Variants in CDH4 observed in about 807,000 individuals in gnomAD.
CDH4 encodes cadherin 4.
CDH4 carries 33 observed loss-of-function variants against 86.0 expected under a neutral mutation model. The ratio of observed to expected loss-of-function variants is 0.38; its 90% CI spans 0.29 to 0.51. The LOEUF is 0.51. Among genes scored for constraint, CDH4 ranks in the 20% least tolerant of loss-of-function variants. CDH4 has a pLI of 0.86. For missense variants in CDH4, 1,114 were observed against 1,307.4 expected (o/e 0.85, Z 2.28); for synonymous variants, 555 against 549.4 (o/e 1.01, Z -0.14).
intron 2 of CDH4, among the ~76,000 whole-genome samples, chr20:61,457,651 C>T (rs996377358): frequency 1.3e-5 from 2 of 151,252 alleles, no homozygotes; most frequent in Non-Finnish European, 3.0e-5. Flanking sequence ...GTAAGATGGT[C>T]ATGGTCATGA....
At position 61,936,839 on chromosome 20, in the gene CDH4, C is replaced by G. The variant is rs1302242687; in HGVS notation, c.2647C>G (p.Leu883Val). 1 of 1,610,326 alleles carries G rather than the reference C, an allele frequency of 6.2e-7. No homozygotes were observed. The highest frequency in any genetic ancestry group is 1.1e-5 in the South Asian group (1 of 90,570). Residue 883 changes from leucine to valine, a missense_variant, in exon 16 of 16, where the codon CTG becomes GTG. Physicochemically the swap from Leu to Val is conservative, Grantham distance 32. This residue lies in a region of CDH4 where 188 missense variants were observed against 183.8 expected (regional missense o/e 1.02). Transcript: ENST00000614565. ...CTCCACCGCAGGCTCCGTCAGCTCC[C>G]TGAACTCATCCAGTTCCGGGGACCA... Reference protein sequence around the residue: ...SGSTAGSVSSLNSSSSGDQDY... With the variant: ...SGSTAGSVSSVNSSSSGDQDY...
intron 2 of CDH4, among the ~76,000 whole-genome samples, chr20:61,661,610 C>T (rs1336650926): frequency 6.6e-6 from 1 of 151,920 alleles, no homozygotes; most frequent in African/African-American, 2.4e-5. Flanking sequence ...TGCGTCTTCC[C>T]AATTAACCCA....
intron 3 of CDH4, among the ~76,000 whole-genome samples, chr20:61,753,196 G>T (rs898938618): frequency 6.6e-6 from 1 of 152,074 alleles, no homozygotes; most frequent in Admixed American, 6.6e-5. Context: ...ATTGAGAGGA[G>T]CCTGGAAGCA....
chr20:61,585,532 T>C (rs1329546670), intron 2 of CDH4, among the ~76,000 whole-genome samples: 1 of 152,276 alleles, frequency 6.6e-6, no homozygotes, highest in East Asian at 1.9e-4. Context: ...ATCTTTCTGA[T>C]TATTTGGTCA....
chr20:61,560,063 GAGA>G (rs2086205374), intron 2 of CDH4, among the ~76,000 whole-genome samples: 1 of 152,168 alleles, frequency 6.6e-6, no homozygotes, highest in African/African-American at 2.4e-5. Context: ...GTGCATAGAG[GAGA>G]TCGACCCTGC....
intron 2 of CDH4, among the ~76,000 whole-genome samples, chr20:61,701,994 C>T (rs770492366): frequency 1.1e-4 from 17 of 152,142 alleles, no homozygotes; most frequent in Non-Finnish European, 2.1e-4. Context: ...AGCTGGCAGC[C>T]GGGAGGAAGA....
intron 2 of CDH4, among the ~76,000 whole-genome samples, chr20:61,584,348 G>T (rs2086454149): frequency 6.6e-6 from 1 of 152,150 alleles, no homozygotes; most frequent in Non-Finnish European, 1.5e-5. Context: ...TATTGAGAAG[G>T]TCTCCCTCAG....
rs544405300 is a variant in CDH4 at position 61,710,088 on chromosome 20, T to A, written c.170-33475T>A. Among the ~76,000 whole-genome samples the A allele has an allele frequency of 2.6e-5, 4 of 152,110 alleles. No individual in the cohort carries two copies. The East Asian group carries it at 7.7e-4, about 29-fold the overall frequency. On this transcript the variant is annotated intron_variant, in intron 2 of 15. Transcript: ENST00000614565. The stretch of plus-strand genomic sequence containing the variant: ...GAATGCAGAATCCTCAATAAATGGA[T>A]CCAGAATGAACCGAGAACCTCAAAG...
At chr20:61,920,064 T>C (rs1391396922) in intron 9 of CDH4, among the ~76,000 whole-genome samples, 77 of 142,974 alleles carry the variant, frequency 5.4e-4, no homozygotes, top group East Asian at 1.1e-3. Context: ...CGTGATTGTG[T>C]GGAAGCGTGG....
At chr20:61,900,110 C>CG (rs150038969) in intron 8 of CDH4, among the ~76,000 whole-genome samples, 2,327 of 152,170 alleles carry the variant, frequency 0.015, 61 homozygotes, top group African/African-American at 0.054. Context: ...CCAGCCTCAG[C>CG]GGGGGGGACT....
chr20:61,312,243 G>T (rs2084450226), intron 2 of CDH4, among the ~76,000 whole-genome samples: 1 of 151,086 alleles, frequency 6.6e-6, no homozygotes, highest in South Asian at 2.1e-4. Context: ...GCATGTGTGT[G>T]GTGTGTGTGT....
At chr20:61,504,381 C>G (rs1377237992) in intron 2 of CDH4, among the ~76,000 whole-genome samples, 1 of 152,216 alleles carries the variant, frequency 6.6e-6, no homozygotes, top group African/African-American at 2.4e-5. Flanking sequence ...GACACATCTA[C>G]AGCTAAAATG....
rs555645616 is a variant in CDH4 at position 61,913,113 on chromosome 20, C to T, written c.1374+2506C>T. Among the ~76,000 whole-genome samples the T allele has an allele frequency of 3.1e-4, 47 of 152,242 alleles. 1 individual carries two copies. The South Asian group carries it at 8.7e-3, about 28-fold the overall frequency. Reference sequence around the variant, plus strand: ...CACAGCTCGGATTCTGTGGCCTTCACGGGGAGCACAACGGGCAGCCCCCGG... The same window carrying T: ...CACAGCTCGGATTCTGTGGCCTTCATGGGGAGCACAACGGGCAGCCCCCGG... On this transcript the variant is annotated intron_variant, in intron 9 of 15. Transcript: ENST00000614565.
chr20:61,315,097 C>G (rs550858841), intron 2 of CDH4, among the ~76,000 whole-genome samples: 1 of 152,292 alleles, frequency 6.6e-6, no homozygotes, highest in African/African-American at 2.4e-5. Flanking sequence ...GCTGGAAGCT[C>G]CATGCCAGAC....
intron 4 of CDH4, among the ~76,000 whole-genome samples, chr20:61,843,646 T>C (rs1982286467): frequency 6.6e-6 from 1 of 150,716 alleles, no homozygotes; most frequent in Non-Finnish European, 1.5e-5. Flanking sequence ...TGAGATATGA[T>C]TGCCCTACTG....
chr20:61,560,138 C>A lies in CDH4; in HGVS notation c.170-183425C>A, dbSNP rs557340699. On this transcript the variant is annotated intron_variant, in intron 2 of 15. Coordinates refer to ENST00000614565, the MANE Select transcript of CDH4 (RefSeq NM_001794.5). ...TCTGGTCGGCGGAGACAAAGGAAGA[C>A]CCCCTGTGGCAGACCCTGGGAACCA... Among the ~76,000 whole-genome samples, 13 of 152,136 alleles carry A rather than the reference C, an allele frequency of 8.5e-5. No individual in the cohort carries two copies. In the East Asian group the frequency reaches 1.6e-3, roughly 18 times the overall value.
chr20:61,692,125 CTGTGTGTGTCTGTATGTATGTG>C (rs2087662746), intron 2 of CDH4, among the ~76,000 whole-genome samples: 2 of 141,856 alleles, frequency 1.4e-5, no homozygotes, highest in African/African-American at 6.0e-5. Flanking sequence ...ATGTGTGTGT[CTGTGTGTGTCTGTATGTATGTG>C]TGTATGTATG....
At chr20:61,502,238 C>A (rs2085708026) in intron 2 of CDH4, among the ~76,000 whole-genome samples, 1 of 152,198 alleles carries the variant, frequency 6.6e-6, no homozygotes. Context: ...CACAGAGTTT[C>A]AATGTGAACT....
At chr20:61,664,738 T>C (rs1346504631) in intron 2 of CDH4, among the ~76,000 whole-genome samples, 1 of 152,210 alleles carries the variant, frequency 6.6e-6, no homozygotes, top group Non-Finnish European at 1.5e-5. Flanking sequence ...GAGCCCAGGC[T>C]TCCACCTCAA....
Sources: allele counts gnomAD v4.1 joint callset (sites outside exome capture counted in the v4.1 genomes callset), GRCh38; gene constraint gnomAD v4.1.1; regional missense constraint gnomAD v4.1.1; transcripts MANE v1.5; gene names NCBI Gene and HGNC (gene_info 2026-07-23, HGNC 2026-07-21).